Variants in MAP2K1 observed in about 807,000 individuals in gnomAD.
MAP2K1 encodes dual specificity mitogen-activated protein kinase kinase 1.
A neutral mutation model predicts 46.3 loss-of-function variants in MAP2K1; 16 were observed. The observed-to-expected ratio is 0.35, with a 90% confidence interval of 0.23 to 0.52. The LOEUF is 0.52. Ranked by LOEUF, MAP2K1 falls within the 20% of genes least tolerant of loss-of-function variation. MAP2K1 has a pLI of 0.94. For missense variants in MAP2K1, 263 were observed against 497.1 expected (o/e 0.53, Z 4.48); for synonymous variants, 183 against 185.6 (o/e 0.99, Z 0.11).
At chr15:66,394,794 A>G (rs1341783042) in intron 1 of MAP2K1, among the ~76,000 whole-genome samples, 2 of 152,094 alleles carry the variant, frequency 1.3e-5, no homozygotes, top group African/African-American at 4.8e-5. Flanking sequence ...CTGATTTTGT[A>G]GTTTTGAACT....
intron 1 of MAP2K1, among the ~76,000 whole-genome samples, chr15:66,432,085 G>A (rs1213750079): frequency 1.3e-5 from 2 of 152,150 alleles, no homozygotes; most frequent in Admixed American, 1.3e-4. Flanking sequence ...CTGAAATGTG[G>A]CAAGGTTAAG....
At chr15:66,389,333 A>C (rs1181630372) in intron 1 of MAP2K1, among the ~76,000 whole-genome samples, 1 of 152,070 alleles carries the variant, frequency 6.6e-6, no homozygotes, top group Non-Finnish European at 1.5e-5. Context: ...ATCCTTTCCT[A>C]TTTGATTTGG....
intron 5 of MAP2K1, among the ~76,000 whole-genome samples, chr15:66,472,613 C>T (rs2140652788): frequency 1.3e-5 from 2 of 152,292 alleles, no homozygotes; most frequent in South Asian, 4.1e-4. Context: ...TGTCAGTCTC[C>T]ACCTTAAGCT....
chr15:66,426,559 C>T (rs1374486856), intron 1 of MAP2K1, among the ~76,000 whole-genome samples: 1 of 152,126 alleles, frequency 6.6e-6, no homozygotes, highest in East Asian at 1.9e-4. Context: ...CCCTCTTCTT[C>T]TGGGGTTCAG....
chr15:66,428,283 TG>T (rs2093464958), intron 1 of MAP2K1, among the ~76,000 whole-genome samples: 65 of 82,206 alleles, frequency 7.9e-4, no homozygotes, highest in Middle Eastern at 6.8e-3. Flanking sequence ...TGTGTGTGTG[TG>T]TGTGTGTGTG....
intron 1 of MAP2K1, among the ~76,000 whole-genome samples, chr15:66,389,571 G>GT (rs2093351832): frequency 1.8e-5 from 2 of 113,144 alleles, no homozygotes; most frequent in African/African-American, 3.3e-5. Context: ...GCTCTGTTGT[G>GT]GTTTTTTTTT....
intron 1 of MAP2K1, among the ~76,000 whole-genome samples, chr15:66,421,602 A>T (rs185913675): frequency 8.6e-5 from 13 of 151,736 alleles, no homozygotes; most frequent in Admixed American, 3.9e-4. Context: ...GGAATTGGGG[A>T]CGAGCCTAGC....
chr15:66,396,603 A>G (rs2093368238), intron 1 of MAP2K1, among the ~76,000 whole-genome samples: 1 of 151,926 alleles, frequency 6.6e-6, no homozygotes, highest in African/African-American at 2.4e-5. Flanking sequence ...TCTTACATAA[A>G]GCTTATCTCC....
At chr15:66,478,223 C>T (rs1273579370) in intron 5 of MAP2K1, among the ~76,000 whole-genome samples, 4 of 149,094 alleles carry the variant, frequency 2.7e-5, no homozygotes, top group Admixed American at 2.0e-4. Flanking sequence ...CTCTCTCTGT[C>T]CTCACAGGGT....
intron 5 of MAP2K1, among the ~76,000 whole-genome samples, chr15:66,476,539 G>A (rs1003711025): frequency 6.6e-6 from 1 of 152,210 alleles, no homozygotes; most frequent in Admixed American, 6.5e-5. Context: ...AAGAGAAGGC[G>A]AGACTCTTAC....
chr15:66,462,053 C>T (rs758368129), intron 5 of MAP2K1, among the ~76,000 whole-genome samples: 4 of 152,154 alleles, frequency 2.6e-5, no homozygotes, highest in Non-Finnish European at 4.4e-5. Flanking sequence ...TAGTTCCTAT[C>T]CTCTTAGAGC....
intron 5 of MAP2K1, among the ~76,000 whole-genome samples, chr15:66,452,287 T>TAAAAAAAAA (rs146502834): frequency 1.9e-5 from 2 of 103,606 alleles, no homozygotes; most frequent in Non-Finnish European, 3.6e-5. Flanking sequence ...TAGAGTATAA[T>TAAAAAAAAA]AAAAAAAAAA....
intron 10 of MAP2K1, 119 bp downstream of exon 10, chr15:66,489,882 G>A (rs1893186623): frequency 1.1e-6 from 1 of 883,468 alleles, no homozygotes. Context: ...GTCCAGCTGA[G>A]CCTGGGGCTG....
chr15:66,469,092 C>T (rs1892543759), intron 5 of MAP2K1, among the ~76,000 whole-genome samples: 1 of 151,696 alleles, frequency 6.6e-6, no homozygotes, highest in South Asian at 2.1e-4. Flanking sequence ...CCCGTCTCTA[C>T]TAAAAATACA....
At chr15:66,439,716 A>C (rs777412849) in intron 3 of MAP2K1, among the ~76,000 whole-genome samples, 1 of 152,066 alleles carries the variant, frequency 6.6e-6, no homozygotes, top group Non-Finnish European at 1.5e-5. Context: ...TGGTGAGCTG[A>C]GATTGTGTCA....
intron 5 of MAP2K1, among the ~76,000 whole-genome samples, chr15:66,478,157 A>G (rs1395749274): frequency 1.3e-5 from 2 of 151,266 alleles, no homozygotes; most frequent in Non-Finnish European, 2.9e-5. Flanking sequence ...CGTTGCTCAA[A>G]TGTCCTCTCC....
intron 5 of MAP2K1, among the ~76,000 whole-genome samples, chr15:66,469,618 A>G (rs902213767): frequency 1.3e-5 from 2 of 150,360 alleles, no homozygotes; most frequent in Non-Finnish European, 1.5e-5. Context: ...ACTGAGAAGA[A>G]GAAAAATTTG....
intron 5 of MAP2K1, among the ~76,000 whole-genome samples, chr15:66,480,291 T>C (rs911085082): frequency 1.3e-5 from 2 of 152,102 alleles, no homozygotes; most frequent in Admixed American, 6.6e-5. Flanking sequence ...AGTTACGCCA[T>C]GTTGGTCAGG....
chr15:66,393,917 T>C (rs979686331), intron 1 of MAP2K1, among the ~76,000 whole-genome samples: 1 of 152,218 alleles, frequency 6.6e-6, no homozygotes, highest in African/African-American at 2.4e-5. Context: ...CTCCCTGTCA[T>C]TTTCTACCCT....
Sources: gnomAD v4.1 joint callset for allele counts (sites outside exome capture counted in the v4.1 genomes callset) on GRCh38, gnomAD v4.1.1 for gene constraint, MANE v1.5 for transcripts, NCBI Gene and HGNC (gene_info 2026-07-23, HGNC 2026-07-21) for gene names.